The following USP34 variants were observed in gnomAD, a reference collection of about 807,000 sequenced individuals.
USP34 encodes ubiquitin specific peptidase 34.
A neutral mutation model predicts 460.3 loss-of-function variants in USP34; 70 were observed. The observed-to-expected ratio is 0.15, with a 90% confidence interval of 0.13 to 0.19. The LOEUF (loss-of-function observed/expected upper bound fraction) is 0.19, where lower values mean the gene tolerates loss of function less well. Ranked by LOEUF, USP34 falls within the 10% of genes least tolerant of loss-of-function variation. The probability of loss-of-function intolerance (pLI) is 1.00; values close to 1 mark genes in which losing one functional copy is unlikely to be tolerated. For synonymous variants in USP34, 1,647 were observed against 1,405.3 expected (o/e 1.17, Z -3.85); for missense variants, 3,985 against 4,236.2 (o/e 0.94, Z 1.65).
In USP34 at chr2:61,283,198, C is replaced by T. The variant is rs754535533; in HGVS notation, c.4945G>A (p.Asp1649Asn). The change falls in exon 37 of 80, where the codon GAT (aspartate) becomes AAT (asparagine). Residue 1649 changes from aspartate (D) to asparagine (N), a missense_variant. Asp to Asn is a conservative substitution (Grantham distance 23). Coordinates refer to ENST00000398571, the MANE Select transcript of USP34 (RefSeq NM_014709.4). ...CCSLVKSSLA[D>N]SDHLQDWLKK... is the part of the protein sequence containing the mutation. ...AGCCAATCTTGTAAATGATCGCTAT[C>T]AGCAAGGCTAGATTTCACTAAAGAA... 10 of 1,613,594 alleles carry T rather than the reference C, an allele frequency of 6.2e-6. No homozygotes were observed. Among genetic ancestry groups the T allele is most frequent in the Non-Finnish European group, 7.6e-6 (9 of 1,179,748 alleles).
intron 75 of USP34, among the ~76,000 whole-genome samples, chr2:61,195,881 T>TCC (rs889557824): frequency 2.6e-5 from 4 of 151,566 alleles, no homozygotes; most frequent in African/African-American, 9.7e-5. Context: ...TCCCCTACTA[T>TCC]CCCCCCAAAG....
chr2:61,210,801 T>C (rs1174935630), intron 69 of USP34, among the ~76,000 whole-genome samples: 2 of 152,146 alleles, frequency 1.3e-5, no homozygotes, highest in Non-Finnish European at 2.9e-5. Flanking sequence ...AGCTTCCACC[T>C]TTTGGGCTCA....
At chr2:61,470,627 A>C in intron 1 of USP34, 23 bp downstream of exon 1, 1 of 1,565,176 alleles carries the variant, frequency 6.4e-7, no homozygotes, top group Non-Finnish European at 8.7e-7. Flanking sequence ...GCACCCCGAC[A>C]GGCCGCTACC....
At chr2:61,312,005 C>A in intron 25 of USP34, 95 bp from the exon 26 acceptor site, 1 of 1,448,098 alleles carries the variant, frequency 6.9e-7, no homozygotes, top group Non-Finnish European at 9.2e-7. Context: ...TGGAAAAGTC[C>A]AAAAGAAGTT....
intron 33 of USP34, among the ~76,000 whole-genome samples, chr2:61,290,796 T>C (rs965690318): frequency 8.5e-5 from 13 of 152,096 alleles, no homozygotes; most frequent in Middle Eastern, 3.2e-3. Flanking sequence ...TCACATCATA[T>C]GCAAAAATTA....
intron 8 of USP34, among the ~76,000 whole-genome samples, chr2:61,377,036 G>C (rs1410309022): frequency 6.6e-6 from 1 of 152,230 alleles, no homozygotes; most frequent in Non-Finnish European, 1.5e-5. Flanking sequence ...AATTTATAAA[G>C]CAATGAAAAA....
chr2:61,232,415 T>C (rs1687933387), intron 58 of USP34, 37 bp downstream of exon 58: 7 of 1,503,634 alleles, frequency 4.7e-6, no homozygotes, highest in Non-Finnish European at 6.4e-6. Context: ...AGTAACTTCT[T>C]TTCCAAATAA....
chr2:61,394,801 G>C, intron 5 of USP34, 52 bp downstream of exon 5: 1 of 1,331,950 alleles, frequency 7.5e-7, no homozygotes, highest in Non-Finnish European at 9.8e-7. Context: ...TCATGTTACT[G>C]ATATGCTAGA....
At position 61,423,787 on chromosome 2, in the gene USP34, G is replaced by A. The variant is rs1558585965; in HGVS notation, c.44-2954C>T. On this transcript the variant is annotated intron_variant, in intron 1 of 79. Transcript: ENST00000398571. ...AGCAAGGTACCATCTCTAAAAATATGTATATTTTTAAAAATTAGCCAGGCA... is the reference window on the plus strand; with the variant it reads ...AGCAAGGTACCATCTCTAAAAATATATATATTTTTAAAAATTAGCCAGGCA... 2.0e-5 allele frequency among the ~76,000 whole-genome samples: 3 copies of A among 152,142 alleles called. No homozygotes were observed. In the South Asian group the frequency reaches 6.2e-4, roughly 32 times the overall value.
intron 41 of USP34, among the ~76,000 whole-genome samples, chr2:61,275,698 C>CTGTGTTTATGTTTA (rs1009020491): frequency 7.9e-5 from 12 of 151,534 alleles, no homozygotes; most frequent in Non-Finnish European, 1.5e-4. Context: ...GTATAGAACA[C>CTGTGTTTATGTTTA]TGTGTTTAAT....
At chr2:61,469,695 A>G (rs1695889903) in intron 1 of USP34, among the ~76,000 whole-genome samples, 1 of 152,254 alleles carries the variant, frequency 6.6e-6, no homozygotes, top group Non-Finnish European at 1.5e-5. Context: ...ATACAAATCC[A>G]AAACCCACAT....
intron 41 of USP34, among the ~76,000 whole-genome samples, chr2:61,272,743 A>T (rs780030853): frequency 6.6e-6 from 1 of 152,212 alleles, no homozygotes; most frequent in Non-Finnish European, 1.5e-5. Flanking sequence ...TTATAATTTG[A>T]CATGAACATG....
At chr2:61,221,758 C>T in intron 65 of USP34, 152 bp from the exon 66 acceptor site, 1 of 600,644 alleles carries the variant, frequency 1.7e-6, no homozygotes, top group Non-Finnish European at 2.7e-6. Context: ...CCTGAACTAC[C>T]ATAAAGCAGC....
chr2:61,378,935 AAAC>A (rs71245636), intron 7 of USP34, among the ~76,000 whole-genome samples: 79 of 146,182 alleles, frequency 5.4e-4, no homozygotes, highest in Middle Eastern at 3.5e-3. Context: ...AAAAAAAAAA[AAAC>A]AACACTAAAT....
At chr2:61,347,171 C>G (rs1395068467) in intron 15 of USP34, among the ~76,000 whole-genome samples, 2 of 151,732 alleles carry the variant, frequency 1.3e-5, no homozygotes, top group East Asian at 3.9e-4. Flanking sequence ...ACAAATAAAT[C>G]AATAAATATT....
At chr2:61,452,828 T>G (rs1321541237) in intron 1 of USP34, among the ~76,000 whole-genome samples, 1 of 148,334 alleles carries the variant, frequency 6.7e-6, no homozygotes, top group East Asian at 2.0e-4. Context: ...AAGGCTGCAG[T>G]CAGTCTTGAT....
intron 68 of USP34, among the ~76,000 whole-genome samples, chr2:61,213,074 T>C (rs1381198272): frequency 7.9e-5 from 12 of 152,144 alleles, no homozygotes; most frequent in Admixed American, 7.9e-4. Context: ...TTGCCCAGGG[T>C]GCAGTACAAT....
chr2:61,330,800 G>C (rs1691236876), intron 20 of USP34, among the ~76,000 whole-genome samples: 1 of 152,088 alleles, frequency 6.6e-6, no homozygotes, highest in African/African-American at 2.4e-5. Flanking sequence ...TTGATGTAAT[G>C]AGAAAATATT....
intron 10 of USP34, among the ~76,000 whole-genome samples, chr2:61,367,050 T>C (rs1033134450): frequency 2.0e-5 from 3 of 152,016 alleles, no homozygotes; most frequent in African/African-American, 7.3e-5. Flanking sequence ...AGCAAAGGCA[T>C]ATGAAGAGAC....
Sources: gnomAD v4.1 joint callset for allele counts (sites outside exome capture counted in the v4.1 genomes callset) on GRCh38, gnomAD v4.1.1 for gene constraint, MANE v1.5 for transcripts, NCBI Gene and HGNC (gene_info 2026-07-23, HGNC 2026-07-21) for gene names.